The following SLC2A14 variants were observed in gnomAD, a reference collection of about 807,000 sequenced individuals.
SLC2A14 encodes solute carrier family 2, facilitated glucose transporter member 14.
A neutral mutation model predicts 43.0 loss-of-function variants in SLC2A14; 13 were observed. The observed-to-expected ratio is 0.30, with a 90% CI of 0.20 to 0.48. The LOEUF (loss-of-function observed/expected upper bound fraction) is 0.48, where lower values mean the gene tolerates loss of function less well. Ranked by LOEUF, SLC2A14 falls within the 20% of genes least tolerant of loss-of-function variation. The probability of loss-of-function intolerance (pLI) is 0.99; values close to 1 mark genes in which losing one functional copy is unlikely to be tolerated. For missense variants in SLC2A14, 428 were observed against 620.4 expected (o/e 0.69, Z 3.29); for synonymous variants, 190 against 233.8 (o/e 0.81, Z 1.71).
rs192517154 is a variant in SLC2A14, at chr12:7,829,503, C to T, written c.513+263G>A. Among the ~76,000 whole-genome samples the T allele has an allele frequency of 2.4e-3, 357 of 150,562 alleles. 4 individuals are homozygous for T. Among genetic ancestry groups the T allele is most frequent in the African/African-American group, 8.1e-3 (330 of 40,772 alleles). ...TTAACCCAGGAGGCAGAGGTTGGGC[C>T]GAGATCATTCCACTGCACTCCAGCC... On this transcript the variant is annotated intron_variant, in intron 5 of 10. Coordinates refer to ENST00000431042, the MANE Select transcript of SLC2A14 (RefSeq NM_001286234.2).
At chr12:7,839,659 C>T in intron 2 of SLC2A14, 1 of 302,774 alleles carries the variant, frequency 3.3e-6, no homozygotes, top group Non-Finnish European at 6.6e-6. Context: ...AATGTGTGTT[C>T]CCTCCAAAAT....
chr12:7,852,661 TC>T (rs1323321474), intron 2 of SLC2A14, among the ~76,000 whole-genome samples: 1 of 152,102 alleles, frequency 6.6e-6, no homozygotes, highest in African/African-American at 2.4e-5. Context: ...AAATATGTAA[TC>T]CCTTTCTTGT....
chr12:7,832,642 T>G, intron 3 of SLC2A14, 80 bp downstream of exon 3: 2 of 1,534,066 alleles, frequency 1.3e-6, no homozygotes, highest in Non-Finnish European at 1.8e-6. Context: ...TGCCTGGCCT[T>G]AAATTCTGAA....
At chr12:7,877,663 G>T (rs1469554124), upstream of SLC2A14, among the ~76,000 whole-genome samples, 2 of 152,022 alleles carry the variant, frequency 1.3e-5, no homozygotes, top group Admixed American at 1.3e-4. Context: ...GACCTCGGGT[G>T]ATCCGCCCGC....
intron 7 of SLC2A14, among the ~76,000 whole-genome samples, chr12:7,825,766 C>A (rs372116289): frequency 0.01 from 1,223 of 121,140 alleles, no homozygotes; most frequent in African/African-American, 0.011. Context: ...CTCTGTCTCA[C>A]AAAAAAAAAA....
chr12:7,882,225 C>G (rs139726867), intron 1 of SLC2A14, among the ~76,000 whole-genome samples: 5 of 151,966 alleles, frequency 3.3e-5, no homozygotes, highest in East Asian at 1.9e-4. Flanking sequence ...AGAAGCCCAC[C>G]GGGAGAAACG....
At chr12:7,861,484 G>A (rs1333343321) in intron 2 of SLC2A14, among the ~76,000 whole-genome samples, 1 of 152,016 alleles carries the variant, frequency 6.6e-6, no homozygotes, top group Non-Finnish European at 1.5e-5. Flanking sequence ...GGTTTTCTAG[G>A]AACGGTACTC....
chr12:7,831,972 G>C (rs1309493754), intron 3 of SLC2A14, among the ~76,000 whole-genome samples: 3 of 152,236 alleles, frequency 2.0e-5, no homozygotes, highest in Non-Finnish European at 4.4e-5. Flanking sequence ...GCCAGTTGTG[G>C]TGGCGCATGC....
upstream of SLC2A14, among the ~76,000 whole-genome samples, chr12:7,877,704 C>T (rs1035576183): frequency 4.6e-5 from 7 of 151,980 alleles, no homozygotes; most frequent in Admixed American, 1.3e-4. Flanking sequence ...GGATTACAGT[C>T]GTGAGTCACC....
Position 7,828,704 on chromosome 12 carries a change from T to A in SLC2A14, c.676A>T (p.Ile226Phe), listed in dbSNP as rs369641314. Reference protein sequence around the residue: ...NRKKEENATRILQRLWGTQDV... With the variant: ...NRKKEENATRFLQRLWGTQDV... ...ATACTAAAGAGTGAAAGATACTCAC[T>A]CCGCGTAGCATTCTCCTCTTTTTTT... The change falls in exon 6 of 11, where the codon ATC becomes TTC. Residue 226 changes from isoleucine (I) to phenylalanine (F), a missense_variant and splice_region_variant. Around this residue, in one of 4 missense-constraint regions of SLC2A14, gnomAD observed 185 missense variants for 275.4 expected, o/e 0.67. Coordinates refer to ENST00000431042, the MANE Select transcript of SLC2A14 (RefSeq NM_001286234.2). 7.4e-6 allele frequency: 12 copies of A among 1,613,874 alleles called. No homozygotes were observed. The highest frequency in any genetic ancestry group is 1.0e-5 in the Non-Finnish European group (12 of 1,179,918).
intron 3 of SLC2A14, among the ~76,000 whole-genome samples, chr12:7,832,348 G>A (rs1865112553): frequency 6.6e-6 from 1 of 152,160 alleles, no homozygotes; most frequent in Non-Finnish European, 1.5e-5. Context: ...GATAATACAG[G>A]AAGTGTATTA....
intron 2 of SLC2A14, among the ~76,000 whole-genome samples, chr12:7,833,127 C>A (rs1323968346): frequency 6.6e-6 from 1 of 152,174 alleles, no homozygotes; most frequent in Non-Finnish European, 1.5e-5. Context: ...TGAAGGTAGG[C>A]ATAGAATTCC....
intron 2 of SLC2A14, among the ~76,000 whole-genome samples, chr12:7,848,103 T>C (rs1014063281): frequency 6.6e-6 from 1 of 152,144 alleles, no homozygotes; most frequent in Non-Finnish European, 1.5e-5. Flanking sequence ...TAGCTAAGCA[T>C]AGAGACTGTT....
At chr12:7,840,418 C>T (rs967779769) in intron 2 of SLC2A14, among the ~76,000 whole-genome samples, 1 of 151,922 alleles carries the variant, frequency 6.6e-6, no homozygotes, top group African/African-American at 2.4e-5. Context: ...TCGCTCTTGT[C>T]GCCTAGTCTG....
intron 7 of SLC2A14, among the ~76,000 whole-genome samples, chr12:7,825,957 C>A (rs1864325517): frequency 6.6e-6 from 1 of 151,030 alleles, no homozygotes; most frequent in African/African-American, 2.4e-5. Context: ...CAGGTGCATT[C>A]TTTTATTCTT....
intron 1 of SLC2A14, chr12:7,871,112 C>A: frequency 1.5e-6 from 2 of 1,344,108 alleles, no homozygotes; most frequent in East Asian, 7.7e-5. Context: ...TTCACCACTT[C>A]CCTCACCATG....
At chr12:7,830,808 C>T (rs1158827862) in intron 4 of SLC2A14, among the ~76,000 whole-genome samples, 1 of 152,090 alleles carries the variant, frequency 6.6e-6, no homozygotes, top group Admixed American at 6.6e-5. Flanking sequence ...AAATAGATTA[C>T]TAAGCTAGTA....
intron 2 of SLC2A14, among the ~76,000 whole-genome samples, chr12:7,866,208 G>A (rs1328013523): frequency 4.0e-5 from 5 of 124,878 alleles, no homozygotes; most frequent in Non-Finnish European, 6.4e-5. Context: ...CTGGGTGACA[G>A]ACCAAGACTC....
At chr12:7,870,769 A>T in intron 1 of SLC2A14, 1 of 797,688 alleles carries the variant, frequency 1.3e-6, no homozygotes, top group Non-Finnish European at 1.6e-6. Flanking sequence ...AACTCAAATA[A>T]ATATACTTTT....
Sources: allele counts gnomAD v4.1 joint callset (sites outside exome capture counted in the v4.1 genomes callset), GRCh38; gene constraint gnomAD v4.1.1; regional missense constraint gnomAD v4.1.1; transcripts MANE v1.5; gene names NCBI Gene and HGNC (gene_info 2026-07-23, HGNC 2026-07-21).